PHRF1: variants seen among roughly 807,000 people sequenced by gnomAD.
The protein encoded by PHRF1 is PHD and RING finger domain-containing protein 1.
PHRF1 carries 53 observed loss-of-function variants against 128.9 expected under a neutral mutation model. The observed-to-expected ratio is 0.41, with a 90% CI of 0.33 to 0.52. The LOEUF is 0.52. Ranked by LOEUF, PHRF1 falls within the 20% of genes least tolerant of loss-of-function variation. The probability of loss-of-function intolerance (pLI) is 0.21; values close to 1 mark genes in which losing one functional copy is unlikely to be tolerated. For synonymous variants in PHRF1, 1,178 were observed against 980.6 expected (o/e 1.20, Z -3.76); for missense variants, 2,503 against 2,284.5 (o/e 1.10, Z -1.95).
Position 609,386 on chromosome 11 carries a change from C to G in PHRF1, c.3930C>G (p.Pro1310=). 6.2e-7 allele frequency: 1 copy of G among 1,611,502 alleles called. No individual in the cohort carries two copies. Among genetic ancestry groups the G allele is most frequent in the East Asian group, 2.2e-5 (1 of 44,898 alleles). The change falls in exon 14 of 18, where the codon CCC becomes CCG. Residue 1310 remains proline, a synonymous_variant. Coordinates refer to ENST00000264555, the MANE Select transcript of PHRF1 (RefSeq NM_001286581.2). Reference sequence around the variant, plus strand: ...ACTTCCCACTGAAGCCTGCGTTGCCCCCAGCCAGCCTGGCCGTGGCCGCCA... The same window carrying G: ...ACTTCCCACTGAAGCCTGCGTTGCCGCCAGCCAGCCTGGCCGTGGCCGCCA... ...ERDFPLKPAL[P]PASLAVAAIQ...
chr11:588,571 G>A (rs1839645571), intron 4 of PHRF1, among the ~76,000 whole-genome samples: 2 of 151,788 alleles, frequency 1.3e-5, no homozygotes, highest in African/African-American at 4.8e-5. Flanking sequence ...TAGAGACAGG[G>A]TTTCACCATG....
At chr11:580,057 C>T (rs1854116963) in intron 1 of PHRF1, among the ~76,000 whole-genome samples, 1 of 152,186 alleles carries the variant, frequency 6.6e-6, no homozygotes, top group African/African-American at 2.4e-5. Context: ...GCTCTGGCCC[C>T]CTACTTCCTG....
intron 3 of PHRF1, among the ~76,000 whole-genome samples, chr11:583,855 C>T (rs560566914): frequency 3.9e-5 from 6 of 152,336 alleles, no homozygotes; most frequent in African/African-American, 9.6e-5. Context: ...GGCCCTGCCC[C>T]GGCCCTGCTG....
intron 10 of PHRF1, among the ~76,000 whole-genome samples, chr11:604,738 C>T (rs762743566): frequency 1.3e-5 from 2 of 152,242 alleles, no homozygotes; most frequent in African/African-American, 2.4e-5. Context: ...TGGTCTCAAG[C>T]TGGCCTCAAA....
chr11:608,523 T>C lies in PHRF1; in HGVS notation c.3067T>C (p.Ser1023Pro). The C allele has an allele frequency of 6.2e-7, 1 of 1,606,420 alleles. No homozygotes were observed. Among genetic ancestry groups the C allele is most frequent in the Non-Finnish European group, 8.5e-7 (1 of 1,177,172 alleles). Residue 1023 changes from serine (S) to proline (P), a missense_variant, in exon 14 of 18, where the codon TCT (serine) becomes CCT (proline). Ser to Pro is a moderately conservative substitution (Grantham distance 74). Coordinates refer to ENST00000264555, the MANE Select transcript of PHRF1 (RefSeq NM_001286581.2). ...CGGACGGACGCGCTCTGGGACGCGC[T>C]CTGAATCCAGGGACAGGAGCTCGAG... ...EHGRTRSGTR[S>P]ESRDRSSRSA...
At chr11:611,238 C>G (rs775917463) in intron 17 of PHRF1, among the ~76,000 whole-genome samples, 156 bp downstream of exon 17, 6 of 152,186 alleles carry the variant, frequency 3.9e-5, no homozygotes, top group South Asian at 2.1e-4. Flanking sequence ...ATCCTGTAGG[C>G]CTGGGGTCAA....
chr11:602,756 T>G (rs1855706399), intron 10 of PHRF1, among the ~76,000 whole-genome samples: 1 of 139,864 alleles, frequency 7.1e-6, no homozygotes, highest in Non-Finnish European at 1.5e-5. Flanking sequence ...TTTGGTTTTG[T>G]TTTTGTTTTT....
intron 4 of PHRF1, among the ~76,000 whole-genome samples, chr11:588,288 A>G (rs971323453): frequency 1.3e-5 from 2 of 152,070 alleles, no homozygotes; most frequent in African/African-American, 4.8e-5. Context: ...GCAGGCTGTG[A>G]TGTCACCCAA....
intron 3 of PHRF1, among the ~76,000 whole-genome samples, chr11:583,210 G>A (rs963956287): frequency 2.0e-4 from 30 of 150,448 alleles, no homozygotes; most frequent in Admixed American, 3.3e-4. Flanking sequence ...GTGTTGGCAC[G>A]CGCCTGTAAT....
At chr11:579,422 G>A (rs538213777) in intron 1 of PHRF1, among the ~76,000 whole-genome samples, 1 of 152,344 alleles carries the variant, frequency 6.6e-6, no homozygotes, top group South Asian at 2.1e-4. Context: ...TGGAGCAGGC[G>A]TCCTGGAAGA....
At chr11:588,464 C>T (rs919739018) in intron 4 of PHRF1, among the ~76,000 whole-genome samples, 2 of 152,032 alleles carry the variant, frequency 1.3e-5, no homozygotes, top group African/African-American at 4.8e-5. Context: ...ACCACAACCT[C>T]CACCTTCCGG....
intron 3 of PHRF1, 60 bp downstream of exon 3, chr11:582,141 C>T: frequency 1.3e-6 from 2 of 1,548,132 alleles, no homozygotes; most frequent in Non-Finnish European, 1.7e-6. Context: ...TGGGGACAGC[C>T]TTTTATAACA....
chr11:584,609 G>T (rs1226470324), intron 3 of PHRF1, among the ~76,000 whole-genome samples: 1 of 152,042 alleles, frequency 6.6e-6, no homozygotes, highest in African/African-American at 2.4e-5. Context: ...GCTGTGAAGA[G>T]ACAGGTTTAT....
At chr11:591,549 C>A in intron 5 of PHRF1, 82 bp downstream of exon 5, 1 of 1,172,806 alleles carries the variant, frequency 8.5e-7, no homozygotes, top group Non-Finnish European at 1.2e-6. Flanking sequence ...CCAAAGTGGG[C>A]TTGCTCTCCT....
In PHRF1 at chr11:605,675, C is replaced by T. The variant is rs1168779367; in HGVS notation, c.1405C>T (p.Leu469=). ...AKRRALSRSA[L]QSHQPVARPV... ...GAGACGGGCTCTGTCCCGGTCAGCC[C>T]TGCAGTCCCACCAGCCCGTGGCCAG... Residue 469 remains leucine, a synonymous_variant, in exon 12 of 18, where the codon CTG becomes TTG. Transcript: ENST00000264555. 1.2e-6 allele frequency: 2 copies of T among 1,613,310 alleles called. No individual in the cohort carries two copies. Among genetic ancestry groups the T allele is most frequent in the African/African-American group, 1.3e-5 (1 of 74,938 alleles).
At position 607,873 on chromosome 11, in the gene PHRF1, A is replaced by C; in HGVS notation, c.2417A>C (p.Lys806Thr). Residue 806 changes from lysine (K) to threonine (T), a missense_variant, in exon 14 of 18, where the codon AAG becomes ACG. Physicochemically the swap from Lys to Thr is moderately conservative, Grantham distance 78. Coordinates refer to ENST00000264555, the MANE Select transcript of PHRF1 (RefSeq NM_001286581.2). ...AACACGTTCCGGCCTGTGGACGATA[A>C]GGAGCAGAGGAAGGAGAACCCCTCA... is the stretch of plus-strand genomic sequence containing the variant. ...FCNTFRPVDDKEQRKENPSPL... is the reference protein window; with the variant it reads ...FCNTFRPVDDTEQRKENPSPL... 6.2e-7 allele frequency: 1 copy of C among 1,612,782 alleles called. No homozygotes were observed. Among genetic ancestry groups the C allele is most frequent in the Non-Finnish European group, 8.5e-7 (1 of 1,179,884 alleles).
At chr11:577,984 A>G (rs1393289221) in intron 1 of PHRF1, among the ~76,000 whole-genome samples, 1 of 152,278 alleles carries the variant, frequency 6.6e-6, no homozygotes, top group African/African-American at 2.4e-5. Context: ...GAGCTCTGCT[A>G]GCCCAGCCAA....
At chr11:603,728 TG>T (rs1342321830) in intron 10 of PHRF1, among the ~76,000 whole-genome samples, 4,177 of 122,902 alleles carry the variant, frequency 0.034, 81 homozygotes, top group Middle Eastern at 0.066. Flanking sequence ...TATTTAAGTT[TG>T]TTTTTTTTTT....
At position 609,421 on chromosome 11, in the gene PHRF1, A is replaced by C; in HGVS notation, c.3965A>C (p.Glu1322Ala). 6.2e-7 allele frequency: 1 copy of C among 1,609,404 alleles called. No individual in the cohort carries two copies. Among genetic ancestry groups the C allele is most frequent in the Non-Finnish European group, 8.5e-7 (1 of 1,179,796 alleles). The change falls in exon 14 of 18, where the codon GAG becomes GCG. Residue 1322 changes from glutamate to alanine, a missense_variant. Glu to Ala is a moderately radical substitution (Grantham distance 107). Transcript: ENST00000264555. ...ASLAVAAIQREVSLMHDEDPS... is the reference protein window; with the variant it reads ...ASLAVAAIQRAVSLMHDEDPS... ...CTGGCCGTGGCCGCCATCCAGAGGGAGGTGTCATTGATGCACGATGAAGAC... is the reference window on the plus strand; with the variant it reads ...CTGGCCGTGGCCGCCATCCAGAGGGCGGTGTCATTGATGCACGATGAAGAC...
Sources: allele counts gnomAD v4.1 joint callset (sites outside exome capture counted in the v4.1 genomes callset), GRCh38; gene constraint gnomAD v4.1.1; transcripts MANE v1.5; gene names NCBI Gene and HGNC (gene_info 2026-07-23, HGNC 2026-07-21).